Variants in SH3RF1 observed in about 807,000 individuals in gnomAD.
SH3RF1 encodes the protein SH3 domain containing ring finger 1, also known as E3 ubiquitin-protein ligase SH3RF1.
SH3RF1 carries 32 observed loss-of-function variants against 74.0 expected under a neutral mutation model. The observed-to-expected ratio is 0.43, with a 90% CI of 0.33 to 0.58. SH3RF1 has a LOEUF of 0.58. SH3RF1 is among the 20% of genes least tolerant of loss of function. SH3RF1 has a pLI of 0.05. For synonymous variants in SH3RF1, 396 were observed against 439.6 expected (o/e 0.90, Z 1.24); for missense variants, 954 against 1,130.9 (o/e 0.84, Z 2.24).
At chr4:169,215,271 A>G (rs1406146882) in intron 2 of SH3RF1, among the ~76,000 whole-genome samples, 2 of 152,224 alleles carry the variant, frequency 1.3e-5, no homozygotes, top group Non-Finnish European at 2.9e-5. Context: ...ATTTTTCAAT[A>G]CTGAACCAGC....
intron 2 of SH3RF1, among the ~76,000 whole-genome samples, chr4:169,225,996 A>G (rs1195222539): frequency 1.3e-5 from 2 of 152,164 alleles, no homozygotes; most frequent in African/African-American, 4.8e-5. Context: ...CTTAAACACA[A>G]CAGAAGAGAC....
chr4:169,226,695 T>C (rs747778143), intron 2 of SH3RF1, among the ~76,000 whole-genome samples: 13 of 152,172 alleles, frequency 8.5e-5, no homozygotes, highest in Non-Finnish European at 1.8e-4. Flanking sequence ...TAGGAAACTA[T>C]TGTAGATAAT....
intron 8 of SH3RF1, among the ~76,000 whole-genome samples, chr4:169,120,390 T>C (rs1733418448): frequency 6.6e-6 from 1 of 152,238 alleles, no homozygotes; most frequent in Non-Finnish European, 1.5e-5. Context: ...TGTGCCTCAA[T>C]GTAACAGCAA....
intron 7 of SH3RF1, 148 bp downstream of exon 7, chr4:169,121,952 T>G (rs149266412): frequency 1.0e-6 from 1 of 963,280 alleles, no homozygotes; most frequent in East Asian, 2.6e-5. Context: ...GTTACATGCA[T>G]GACCAGGTAG....
At position 169,160,031 on chromosome 4, in the gene SH3RF1, T is replaced by C. The variant is rs528062568; in HGVS notation, c.394-3352A>G. ...TCTTGACAGGGCTAATGTAAGGCAT[T>C]GGAAGCCTGCATGAATTAATTGAAA... On this transcript the variant is annotated intron_variant, in intron 2 of 11. Coordinates refer to ENST00000284637, the MANE Select transcript of SH3RF1 (RefSeq NM_020870.4). Among the ~76,000 whole-genome samples, 8 of 152,320 alleles carry C rather than the reference T, an allele frequency of 5.3e-5. No individual in the cohort carries two copies. The East Asian group carries it at 1.5e-3, about 29-fold the overall frequency.
At chr4:169,165,598 T>C (rs1734223355) in intron 2 of SH3RF1, among the ~76,000 whole-genome samples, 2 of 149,696 alleles carry the variant, frequency 1.3e-5, no homozygotes. Context: ...CACTCCAGCC[T>C]AGGTGACAGA....
intron 2 of SH3RF1, among the ~76,000 whole-genome samples, chr4:169,254,594 G>C (rs535877555): frequency 1.4e-4 from 21 of 152,098 alleles, no homozygotes; most frequent in Non-Finnish European, 5.9e-5. Flanking sequence ...GAGAGATGGG[G>C]GAAACTGAAT....
chr4:169,208,020 A>G (rs60382620), intron 2 of SH3RF1, among the ~76,000 whole-genome samples: 17,229 of 151,816 alleles, frequency 0.11, 1,002 homozygotes, highest in Middle Eastern at 0.16. Context: ...ATGAGCATAG[A>G]CTCTACTTTG....
intron 9 of SH3RF1, 101 bp from the exon 10 acceptor site, chr4:169,116,731 C>T: frequency 7.1e-7 from 1 of 1,413,412 alleles, no homozygotes; most frequent in African/African-American, 1.4e-5. Flanking sequence ...TGATGAAAGG[C>T]TGCTATTGTA....
intron 11 of SH3RF1, among the ~76,000 whole-genome samples, chr4:169,097,210 T>A (rs1732946366): frequency 6.6e-6 from 1 of 152,164 alleles, no homozygotes; most frequent in African/African-American, 2.4e-5. Flanking sequence ...TGTCTCTGTG[T>A]CCCTACGTCC....
chr4:169,227,541 T>C (rs1730670268), intron 2 of SH3RF1, among the ~76,000 whole-genome samples: 2 of 152,216 alleles, frequency 1.3e-5, no homozygotes, highest in Non-Finnish European at 2.9e-5. Context: ...AGCAATAGAA[T>C]GTTTAAAATC....
intron 6 of SH3RF1, among the ~76,000 whole-genome samples, chr4:169,129,649 G>C (rs1320751563): frequency 6.6e-6 from 1 of 152,202 alleles, no homozygotes; most frequent in East Asian, 1.9e-4. Context: ...TATCGGATCT[G>C]TCATGTGACT....
At chr4:169,253,145 C>T (rs1401864593) in intron 2 of SH3RF1, among the ~76,000 whole-genome samples, 1 of 152,146 alleles carries the variant, frequency 6.6e-6, no homozygotes, top group Non-Finnish European at 1.5e-5. Flanking sequence ...CATAGAATTC[C>T]CACTTCTTAC....
intron 7 of SH3RF1, among the ~76,000 whole-genome samples, chr4:169,121,393 C>T (rs963537125): frequency 2.0e-5 from 3 of 152,158 alleles, no homozygotes; most frequent in Non-Finnish European, 4.4e-5. Context: ...GGTATGAAAT[C>T]CCACTGGGAA....
At chr4:169,259,547 A>G (rs984634892) in intron 2 of SH3RF1, among the ~76,000 whole-genome samples, 21 of 152,156 alleles carry the variant, frequency 1.4e-4, no homozygotes, top group Non-Finnish European at 2.9e-4. Context: ...CAGAGCCACG[A>G]AAAAGGGTGC....
chr4:169,209,811 A>G (rs1730327991), intron 2 of SH3RF1, among the ~76,000 whole-genome samples: 1 of 152,142 alleles, frequency 6.6e-6, no homozygotes, highest in African/African-American at 2.4e-5. Flanking sequence ...ATTTTTGGAG[A>G]CAGGGTCTCA....
intron 2 of SH3RF1, among the ~76,000 whole-genome samples, chr4:169,226,519 AATAC>A (rs1400084775): frequency 6.6e-6 from 1 of 152,080 alleles, no homozygotes; most frequent in African/African-American, 2.4e-5. Flanking sequence ...GAAAGATCAG[AATAC>A]ATAAACTAAG....
At chr4:169,133,338 G>A (rs1733647756) in intron 5 of SH3RF1, among the ~76,000 whole-genome samples, 1 of 152,162 alleles carries the variant, frequency 6.6e-6, no homozygotes, top group African/African-American at 2.4e-5. Flanking sequence ...AGACGGGTGT[G>A]GTGGCACACA....
At chr4:169,121,272 A>G (rs1733432159) in intron 7 of SH3RF1, among the ~76,000 whole-genome samples, 1 of 152,222 alleles carries the variant, frequency 6.6e-6, no homozygotes, top group Non-Finnish European at 1.5e-5. Flanking sequence ...GAATTAATGC[A>G]GTTTCCAAGA....
Sources: gnomAD v4.1 joint callset for allele counts (sites outside exome capture counted in the v4.1 genomes callset) on GRCh38, gnomAD v4.1.1 for gene constraint, MANE v1.5 for transcripts, NCBI Gene and HGNC (gene_info 2026-07-23, HGNC 2026-07-21) for gene names.